The following ZNF362 variants were observed in gnomAD, a reference collection of about 807,000 sequenced individuals.
ZNF362 encodes the protein rotund homolog.
A neutral mutation model predicts 42.9 loss-of-function variants in ZNF362; 11 were observed. The observed-to-expected ratio is 0.26, with a 90% CI of 0.16 to 0.42. The LOEUF (loss-of-function observed/expected upper bound fraction) is 0.42, where lower values mean the gene tolerates loss of function less well. Among genes scored for constraint, ZNF362 ranks in the 20% least tolerant of loss-of-function variants. ZNF362 has a pLI of 1.00. For missense variants in ZNF362, 362 were observed against 576.2 expected (o/e 0.63, Z 3.81); for synonymous variants, 255 against 257.3 (o/e 0.99, Z 0.09).
In ZNF362 at chr1:33,281,269, C is replaced by T. The variant is rs965915465; in HGVS notation, c.684-318C>T. ...AGCAGCCTGGTTGAGAACTACTTCA[C>T]GTGGTAGCGCCTCCTGCCCAGAACC... On this transcript the variant is annotated intron_variant, in intron 5 of 8. Coordinates refer to ENST00000539719, the MANE Select transcript of ZNF362 (RefSeq NM_152493.3). This position sits in a 1 kb window ranked among gnomAD's most constrained non-coding sequence, Gnocchi z 4.8. Among the ~76,000 whole-genome samples the T allele has an allele frequency of 6.6e-6, 1 of 152,148 alleles. No homozygotes were observed. The highest frequency in any genetic ancestry group is 2.4e-5 in the African/African-American group (1 of 41,430).
At chr1:33,201,272 A>G in the ZNF362 span, among the ~76,000 whole-genome samples, 3 of 152,346 alleles carry the variant, frequency 2.0e-5, no homozygotes, top group East Asian at 5.8e-4. Context: ...GGAGTTGAAC[A>G]ATACTGTCAG....
chr1:33,165,488 G>A, the ZNF362 span: 1 of 1,607,158 alleles, frequency 6.2e-7, no homozygotes, highest in South Asian at 1.1e-5. The surrounding 1 kb of genome is among the most constrained non-coding windows in gnomAD (Gnocchi z 4.0). Context: ...TCCGCCAGTT[G>A]TCGCTTGAGC....
intron 6 of ZNF362, among the ~76,000 whole-genome samples, chr1:33,284,191 C>A (rs1238985085): frequency 6.6e-6 from 1 of 152,182 alleles, no homozygotes; most frequent in East Asian, 1.9e-4. Flanking sequence ...TTTTTATAAC[C>A]TTAAAGGCTG....
chr1:33,273,602 T>G (rs1348780847), intron 2 of ZNF362, among the ~76,000 whole-genome samples: 1 of 152,158 alleles, frequency 6.6e-6, no homozygotes, highest in Non-Finnish European at 1.5e-5. Flanking sequence ...GTAGCCTGTT[T>G]CACCCCATTT....
At chr1:33,223,712 G>A in the ZNF362 span, among the ~76,000 whole-genome samples, 2 of 152,212 alleles carry the variant, frequency 1.3e-5, no homozygotes, top group South Asian at 2.1e-4. Context: ...GGGCAACATG[G>A]TGAAACCCTG....
At chr1:33,221,800 G>A in the ZNF362 span, among the ~76,000 whole-genome samples, 1 of 152,142 alleles carries the variant, frequency 6.6e-6, no homozygotes. Flanking sequence ...TTAAACAGAT[G>A]GATAATCTCA....
At chr1:33,184,372 C>A in the ZNF362 span, among the ~76,000 whole-genome samples, 1 of 152,220 alleles carries the variant, frequency 6.6e-6, no homozygotes, top group Non-Finnish European at 1.5e-5. Flanking sequence ...AAACTTCATC[C>A]TCCTGTTCTT....
chr1:33,147,107 T>C, the ZNF362 span: 2 of 1,543,710 alleles, frequency 1.3e-6, no homozygotes, highest in Non-Finnish European at 1.8e-6. This position sits in a 1 kb window ranked among gnomAD's most constrained non-coding sequence, Gnocchi z 8.1. Context: ...AGTCCAGGTC[T>C]TCTATCTCCT....
the ZNF362 span, among the ~76,000 whole-genome samples, chr1:33,247,529 A>G: frequency 0.2 from 30,262 of 152,240 alleles, 3,431 homozygotes; most frequent in South Asian, 0.28. Context: ...TGGGCATTCA[A>G]TTCCTGGCAA....
In ZNF362 at chr1:33,294,754, AGAAG is replaced by A. The variant is rs1255185801; in HGVS notation, c.909-174_909-171del. On this transcript the variant is annotated intron_variant, in intron 6 of 8. Transcript: ENST00000539719. This position sits in a 1 kb window ranked among gnomAD's most constrained non-coding sequence, Gnocchi z 4.2. ...TGGTCAGACTGGCAGTGGAGGCCAG[AGAAG>A]GAAGGAAGAGCCATGGCCGTTGAAG... 6.6e-6 allele frequency among the ~76,000 whole-genome samples: 1 copy of A among 152,088 alleles called. No homozygotes were observed.
chr1:33,187,306 C>T, the ZNF362 span, among the ~76,000 whole-genome samples: 5 of 152,212 alleles, frequency 3.3e-5, no homozygotes, highest in Non-Finnish European at 7.3e-5. Context: ...AATACATTGA[C>T]AGGTTTGAGG....
the ZNF362 span, among the ~76,000 whole-genome samples, chr1:33,230,614 T>C: frequency 6.6e-6 from 1 of 152,256 alleles, no homozygotes; most frequent in African/African-American, 2.4e-5. Flanking sequence ...CCAGTTTTCA[T>C]AACCTGATCT....
chr1:33,238,874 G>A, the ZNF362 span, among the ~76,000 whole-genome samples: 1 of 152,210 alleles, frequency 6.6e-6, no homozygotes, highest in Non-Finnish European at 1.5e-5. Flanking sequence ...GCTGAGGAGA[G>A]AGGCCTCACC....
intron 6 of ZNF362, among the ~76,000 whole-genome samples, chr1:33,285,306 C>T (rs1200058204): frequency 1.3e-5 from 2 of 151,898 alleles, no homozygotes; most frequent in African/African-American, 4.8e-5. Context: ...CCCATCTACT[C>T]GGGAGGCTGA....
At chr1:33,272,564 C>A (rs532628243) in intron 2 of ZNF362, among the ~76,000 whole-genome samples, 1 of 152,256 alleles carries the variant, frequency 6.6e-6, no homozygotes, top group African/African-American at 2.4e-5. Flanking sequence ...TCTTGGGGCT[C>A]ACAGTAGAGA....
chr1:33,193,702 A>T, the ZNF362 span, among the ~76,000 whole-genome samples: 1 of 152,216 alleles, frequency 6.6e-6, no homozygotes, highest in East Asian at 1.9e-4. Context: ...TGGCTAACAC[A>T]AAGGGGGATT....
chr1:33,170,237 C>G, the ZNF362 span, among the ~76,000 whole-genome samples: 1 of 151,792 alleles, frequency 6.6e-6, no homozygotes, highest in Non-Finnish European at 1.5e-5. Context: ...GGCTGAGGAG[C>G]AAGAATCGCT....
At chr1:33,174,573 G>A in the ZNF362 span, among the ~76,000 whole-genome samples, 1 of 152,152 alleles carries the variant, frequency 6.6e-6, no homozygotes, top group Non-Finnish European at 1.5e-5. Flanking sequence ...TAAATGAGAG[G>A]TAGGCTGGGG....
At chr1:33,244,537 C>T in the ZNF362 span, among the ~76,000 whole-genome samples, 1 of 152,192 alleles carries the variant, frequency 6.6e-6, no homozygotes, top group Non-Finnish European at 1.5e-5. This position sits in a 1 kb window ranked among gnomAD's most constrained non-coding sequence, Gnocchi z 4.0. Context: ...GAAAGTCCTT[C>T]AGTTCATATT....
Sources: gnomAD v4.1 joint callset for allele counts (sites outside exome capture counted in the v4.1 genomes callset) on GRCh38, gnomAD v4.1.1 for gene constraint, Gnocchi (gnomAD v3.1) non-coding constraint, MANE v1.5 for transcripts, NCBI Gene and HGNC (gene_info 2026-07-23, HGNC 2026-07-21) for gene names.